Variants in ANK3 observed in about 807,000 individuals in gnomAD.
ANK3 encodes ankyrin-3.
A neutral mutation model predicts 370.9 loss-of-function variants in ANK3; 57 were observed. The observed-to-expected ratio is 0.15, with a 90% CI of 0.12 to 0.19. The LOEUF is 0.19. Among genes scored for constraint, ANK3 ranks in the 10% least tolerant of loss-of-function variants. The probability of loss-of-function intolerance (pLI) is 1.00; values close to 1 mark genes in which losing one functional copy is unlikely to be tolerated. For synonymous variants in ANK3, 1,929 were observed against 1,946.3 expected (o/e 0.99, Z 0.23); for missense variants, 4,439 against 5,302.1 (o/e 0.84, Z 5.06).
chr10:60,074,457 G>C lies in ANK3; in HGVS notation c.6424C>G (p.Gln2142Glu). The change falls in exon 37 of 44, where the codon CAA becomes GAA. Residue 2142 changes from glutamine to glutamate, a missense_variant. This residue lies in a region of ANK3 where 7 missense variants were observed against 26.9 expected (regional missense o/e 0.26). Transcript: ENST00000280772. Reference sequence around the variant, plus strand: ...TTAGGACCAGTGCTTTCAGCGCTTTGTGGGGCTGAAGGTGTCTTTTCACTT... The same window carrying C: ...TTAGGACCAGTGCTTTCAGCGCTTTCTGGGGCTGAAGGTGTCTTTTCACTT... ...TRSEKTPSAP[Q>E]SAESTGPKPL... 1 of 1,614,146 alleles carries C rather than the reference G, an allele frequency of 6.2e-7. No homozygotes were observed. The highest frequency in any genetic ancestry group is 8.5e-7 in the Non-Finnish European group (1 of 1,180,004).
chr10:60,200,071 T>C (rs2096649437), intron 13 of ANK3, 58 bp downstream of exon 13: 1 of 1,404,436 alleles, frequency 7.1e-7, no homozygotes. Flanking sequence ...CTTAAAAGTT[T>C]TATGAAAATC....
chr10:60,133,974 T>C (rs1232066400), intron 25 of ANK3, among the ~76,000 whole-genome samples: 1 of 152,154 alleles, frequency 6.6e-6, no homozygotes, highest in Non-Finnish European at 1.5e-5. Context: ...CCAATGATTA[T>C]TAACTCTCCT....
At chr10:60,250,267 T>C (rs944916221) in intron 7 of ANK3, among the ~76,000 whole-genome samples, 1 of 152,232 alleles carries the variant, frequency 6.6e-6, no homozygotes, top group Non-Finnish European at 1.5e-5. Flanking sequence ...AGTGCAGAGT[T>C]AATGATTCAG....
intron 25 of ANK3, among the ~76,000 whole-genome samples, chr10:60,124,813 C>A (rs1174343392): frequency 6.6e-6 from 1 of 152,186 alleles, no homozygotes. Context: ...TGTGGACAAG[C>A]TATTTAACTG....
chr10:60,733,160 G>T, intron 1 of ANK3: 1 of 984,654 alleles, frequency 1.0e-6, no homozygotes, highest in Non-Finnish European at 1.3e-6. Context: ...CCCCAGGAGG[G>T]CAGGACTCCT....
intron 1 of ANK3, among the ~76,000 whole-genome samples, chr10:60,628,432 C>G (rs1400520697): frequency 2.6e-5 from 4 of 152,132 alleles, no homozygotes; most frequent in Admixed American, 2.6e-4. Flanking sequence ...CTTTTTCTCT[C>G]AAATCCCCCA....
At chr10:60,453,406 A>T (rs2064662455) in intron 2 of ANK3, among the ~76,000 whole-genome samples, 1 of 152,208 alleles carries the variant, frequency 6.6e-6, no homozygotes, top group African/African-American at 2.4e-5. Flanking sequence ...TGTTGAATTT[A>T]AATACATTTT....
chr10:60,639,754 C>A (rs2119912), intron 1 of ANK3, among the ~76,000 whole-genome samples: 103,055 of 151,662 alleles, frequency 0.68, 35,092 homozygotes, highest in South Asian at 0.82. Context: ...GAGATAAAAC[C>A]GAATCCTTAA....
intron 43 of ANK3, among the ~76,000 whole-genome samples, chr10:60,037,766 G>A (rs988490235): frequency 1.3e-5 from 2 of 152,136 alleles, no homozygotes; most frequent in Admixed American, 1.3e-4. Context: ...ATGTGCAAGT[G>A]CCTTTGTGAT....
Position 60,107,769 on chromosome 10 carries a change from G to A in ANK3, c.3173+1061C>T, listed in dbSNP as rs181669546. 3.5e-3 allele frequency among the ~76,000 whole-genome samples: 527 copies of A among 151,948 alleles called. 8 individuals are homozygous for A. The highest frequency in any genetic ancestry group is 3.1e-3 in the Non-Finnish European group (209 of 67,930). ...ATTACACACACACACACATGCGCACGCGCACACACACACACAGGTGTACAT... is the reference window on the plus strand; with the variant it reads ...ATTACACACACACACACATGCGCACACGCACACACACACACAGGTGTACAT... On this transcript the variant is annotated intron_variant, in intron 27 of 43. Coordinates refer to ENST00000280772, the MANE Select transcript of ANK3 (RefSeq NM_020987.5).
chr10:60,640,072 G>A (rs569402270), intron 1 of ANK3, among the ~76,000 whole-genome samples: 2 of 152,040 alleles, frequency 1.3e-5, no homozygotes, highest in Non-Finnish European at 1.5e-5. Flanking sequence ...AAATTCATAT[G>A]AGAAAAGTAG....
chr10:60,395,528 A>G (rs934222870), intron 2 of ANK3, among the ~76,000 whole-genome samples: 1 of 148,550 alleles, frequency 6.7e-6, no homozygotes, highest in Non-Finnish European at 1.5e-5. Context: ...AGCAGAGAAC[A>G]CTTAGCAATC....
At chr10:60,042,913 A>AACC in intron 42 of ANK3, 154 bp from the exon 43 acceptor site, 1 of 1,461,254 alleles carries the variant, frequency 6.8e-7, no homozygotes, top group Non-Finnish European at 9.0e-7. Flanking sequence ...TCTTTAGCTT[A>AACC]ACCACACAGT....
chr10:60,476,720 A>G (rs1279761459), intron 2 of ANK3, among the ~76,000 whole-genome samples: 2 of 152,214 alleles, frequency 1.3e-5, no homozygotes, highest in African/African-American at 4.8e-5. Flanking sequence ...TTGGATTTAC[A>G]GCCAAAACTC....
chr10:60,527,475 T>A (rs2133193840), intron 2 of ANK3, among the ~76,000 whole-genome samples: 1 of 152,216 alleles, frequency 6.6e-6, no homozygotes, highest in South Asian at 2.1e-4. Flanking sequence ...TACCACCAGA[T>A]AAGCCAACAA....
chr10:60,502,273 A>G (rs1363467056), intron 2 of ANK3, among the ~76,000 whole-genome samples: 1 of 152,148 alleles, frequency 6.6e-6, no homozygotes, highest in East Asian at 1.9e-4. Context: ...CTCTTGCTTC[A>G]TGGTAACATA....
chr10:60,558,108 AC>A (rs2077251616), intron 2 of ANK3, among the ~76,000 whole-genome samples: 1 of 152,052 alleles, frequency 6.6e-6, no homozygotes, highest in Non-Finnish European at 1.5e-5. Flanking sequence ...AATGCAGCAA[AC>A]CCCACCTATT....
At chr10:60,319,324 A>C (rs984610343) in intron 1 of ANK3, among the ~76,000 whole-genome samples, 2 of 152,172 alleles carry the variant, frequency 1.3e-5, no homozygotes. Context: ...CCAGGAAACC[A>C]ATGCTCATAG....
chr10:60,068,852 A>C lies in ANK3; in HGVS notation c.12029T>G (p.Leu4010Arg), dbSNP rs1356199404. The C allele has an allele frequency of 6.2e-7, 1 of 1,614,104 alleles. No homozygotes were observed. The highest frequency in any genetic ancestry group is 1.7e-5 in the Admixed American group (1 of 60,002). The change falls in exon 37 of 44, where the codon CTT becomes CGT. Residue 4010 changes from leucine (L) to arginine (R), a missense_variant. Leu to Arg is a moderately radical substitution (Grantham distance 102). Around this residue, in one of 13 missense-constraint regions of ANK3, gnomAD observed 496 missense variants for 529.3 expected, o/e 0.94. Transcript: ENST00000280772. ...FKGISGETLK[L>R]VDRLSEEEKK... ...TTCTTCTTCAGAGAGGCGGTCCACA[A>C]GCTTTAAGGTCTCACCACTAATTCC...
Sources: gnomAD v4.1 joint callset for allele counts (sites outside exome capture counted in the v4.1 genomes callset) on GRCh38, gnomAD v4.1.1 for gene constraint, gnomAD v4.1.1 regional missense constraint, MANE v1.5 for transcripts, NCBI Gene and HGNC (gene_info 2026-07-23, HGNC 2026-07-21) for gene names.